The following CRTAM variants were observed in gnomAD, a reference collection of about 807,000 sequenced individuals.
CRTAM encodes the protein cytotoxic and regulatory T cell molecule, also known as cytotoxic and regulatory T-cell molecule.
A neutral mutation model predicts 50.0 loss-of-function variants in CRTAM; 44 were observed. The observed-to-expected ratio is 0.88, with a 90% CI of 0.69 to 1.13. CRTAM has a LOEUF of 1.13. CRTAM is among the 50% of genes most tolerant of loss of function. The pLI is 0.00. For missense variants in CRTAM, 448 were observed against 457.5 expected (o/e 0.98, Z 0.19); for synonymous variants, 159 against 169.3 (o/e 0.94, Z 0.47).
intron 6 of CRTAM, 150 bp downstream of exon 6, chr11:122,862,694 T>C (rs1178601501): frequency 6.7e-6 from 4 of 596,772 alleles, no homozygotes; most frequent in Admixed American, 5.9e-5. Context: ...CTTTGTACCA[T>C]CCTAGAGAAG....
intron 5 of CRTAM, among the ~76,000 whole-genome samples, chr11:122,861,069 C>T (rs1354055546): frequency 6.6e-6 from 1 of 152,056 alleles, no homozygotes; most frequent in Non-Finnish European, 1.5e-5. Flanking sequence ...CTTTTCATTG[C>T]CAGCAGCTCT....
chr11:122,851,421 T>C (rs1372608449), intron 2 of CRTAM, among the ~76,000 whole-genome samples: 2 of 152,244 alleles, frequency 1.3e-5, no homozygotes, highest in African/African-American at 4.8e-5. Context: ...ATAATTCTGT[T>C]ACATAATGCT....
At chr11:122,846,506 C>T (rs1861865151) in intron 1 of CRTAM, among the ~76,000 whole-genome samples, 2 of 152,056 alleles carry the variant, frequency 1.3e-5, no homozygotes, top group South Asian at 4.1e-4. Flanking sequence ...TCAGGCTGGT[C>T]TCGAACTCCT....
chr11:122,868,091 A>G lies in CRTAM; in HGVS notation c.1043A>G (p.Asn348Ser). The G allele has an allele frequency of 1.2e-6, 2 of 1,604,762 alleles. No individual in the cohort carries two copies. Among genetic ancestry groups the G allele is most frequent in the Non-Finnish European group, 1.7e-6 (2 of 1,171,658 alleles). Residue 348 changes from asparagine (N) to serine (S), a missense_variant, in exon 9 of 10, where the codon AAT becomes AGT. Coordinates refer to ENST00000227348, the MANE Select transcript of CRTAM (RefSeq NM_019604.4). Reference protein sequence around the residue: ...NNEETSSEEKNGQSSHPMRCM... With the variant: ...NNEETSSEEKSGQSSHPMRCM... The stretch of plus-strand genomic sequence containing the variant: ...GAAGAAACATCATCTGAAGAGAAAA[A>G]TGGCCAATGTAAGTCAACTGTATGA...
intron 7 of CRTAM, among the ~76,000 whole-genome samples, chr11:122,866,304 GA>G (rs979626369): frequency 1.3e-5 from 2 of 152,064 alleles, no homozygotes; most frequent in African/African-American, 4.8e-5. Context: ...TATCTTCACT[GA>G]AAACTTTTTT....
At chr11:122,867,110 G>A (rs927851979) in intron 7 of CRTAM, among the ~76,000 whole-genome samples, 4 of 152,104 alleles carry the variant, frequency 2.6e-5, no homozygotes, top group African/African-American at 4.8e-5. Context: ...AACTTAAGTC[G>A]ATTTTCTCAT....
At chr11:122,862,309 C>T (rs1862095824) in intron 5 of CRTAM, 155 bp from the exon 6 acceptor site, 11 of 613,224 alleles carry the variant, frequency 1.8e-5, no homozygotes, top group Non-Finnish European at 3.2e-5. Flanking sequence ...ATTCAAAAAC[C>T]AGAGCAGGAG....
At chr11:122,848,551 C>T (rs774941859) in intron 1 of CRTAM, among the ~76,000 whole-genome samples, 1 of 152,114 alleles carries the variant, frequency 6.6e-6, no homozygotes, top group Non-Finnish European at 1.5e-5. Context: ...TTATATGAAT[C>T]CAATACAATA....
chr11:122,860,141 A>G (rs748822852), intron 5 of CRTAM, among the ~76,000 whole-genome samples: 4 of 152,222 alleles, frequency 2.6e-5, no homozygotes, highest in Non-Finnish European at 5.9e-5. Flanking sequence ...TCTGCCTCCC[A>G]GGTTCAAGCA....
At chr11:122,870,894 T>TA (rs1292447437) in intron 9 of CRTAM, among the ~76,000 whole-genome samples, 4 of 151,922 alleles carry the variant, frequency 2.6e-5, no homozygotes, top group Non-Finnish European at 5.9e-5. Context: ...GCCTAGGCAA[T>TA]ATAGTGAAAC....
chr11:122,841,780 T>G (rs912671123), intron 1 of CRTAM, among the ~76,000 whole-genome samples: 1 of 152,170 alleles, frequency 6.6e-6, no homozygotes, highest in Admixed American at 6.5e-5. Flanking sequence ...GCAAACAGCT[T>G]TTCCATAAGG....
chr11:122,852,456 T>G (rs1861943879), intron 3 of CRTAM, among the ~76,000 whole-genome samples: 1 of 152,202 alleles, frequency 6.6e-6, no homozygotes, highest in Admixed American at 6.5e-5. Context: ...TTGTTTTGTT[T>G]TTTGTGGCAG....
chr11:122,867,431 A>G lies in CRTAM; in HGVS notation c.840A>G (p.Gly280=), dbSNP rs752602503. Reference sequence around the variant, plus strand: ...TAGAAGCAAATCCTCAGTATTTAGGACTGGCAAGAAAGAAAAGTGGCATCC... The same window carrying G: ...TAGAAGCAAATCCTCAGTATTTAGGGCTGGCAAGAAAGAAAAGTGGCATCC... ...LTTEANPQYL[G]LARKKSGILL... The change falls in exon 8 of 10, where the codon GGA becomes GGG. Residue 280 remains glycine (G), a synonymous_variant. Transcript: ENST00000227348. The G allele has an allele frequency of 3.4e-5, 55 of 1,613,482 alleles. No homozygotes were observed. The highest frequency in any genetic ancestry group is 4.6e-5 in the Non-Finnish European group (54 of 1,179,954).
chr11:122,839,411 G>T (rs1462818513), intron 1 of CRTAM, among the ~76,000 whole-genome samples: 1 of 152,176 alleles, frequency 6.6e-6, no homozygotes, highest in Non-Finnish European at 1.5e-5. Flanking sequence ...ATGATAAAGC[G>T]CTGTGCAACA....
chr11:122,850,094 A>C lies in CRTAM; in HGVS notation c.73A>C (p.Thr25Pro). 6.2e-7 allele frequency: 1 copy of C among 1,612,592 alleles called. No individual in the cohort carries two copies. The highest frequency in any genetic ancestry group is 8.5e-7 in the Non-Finnish European group (1 of 1,179,242). Residue 25 changes from threonine to proline, a missense_variant, in exon 2 of 10, where the codon ACC becomes CCC. By Grantham distance (38) the Thr-to-Pro change is conservative. Transcript: ENST00000227348. The part of the protein sequence containing the change: ...QEASLTNHTE[T>P]ITVEEGQTLT... The stretch of plus-strand genomic sequence containing the variant: ...GGCCTCTCTGACTAACCACACAGAA[A>C]CCATCACCGTGGAGGAAGGCCAGAC...
Position 122,851,603 on chromosome 11 carries a change from G to A in CRTAM, c.194-90G>A, listed in dbSNP as rs1019308200. 7.1e-6 allele frequency: 8 copies of A among 1,122,388 alleles called. No homozygotes were observed. In the African/African-American group the frequency reaches 1.2e-4, roughly 17 times the overall value. The allele number at this position is 1,122,388 out of a possible 1,614,324, so 69.5% of individuals were successfully genotyped here. ...GTTTTGATTGTGCCAAATGTAGAAA[G>A]CGGGGCAGTGCTTCTGGCATCTACT... On this transcript the variant is annotated intron_variant, in intron 2 of 9. Coordinates refer to ENST00000227348, the MANE Select transcript of CRTAM (RefSeq NM_019604.4).
chr11:122,863,117 G>A (rs1049886198), intron 6 of CRTAM, among the ~76,000 whole-genome samples: 5 of 152,078 alleles, frequency 3.3e-5, no homozygotes, highest in African/African-American at 1.2e-4. Context: ...CAATTTTTTA[G>A]ACAGTGAACT....
intron 5 of CRTAM, among the ~76,000 whole-genome samples, chr11:122,859,212 G>C (rs1862041449): frequency 6.6e-6 from 1 of 152,124 alleles, no homozygotes; most frequent in Non-Finnish European, 1.5e-5. Context: ...GGGTTCCAGT[G>C]ATTCTCCTGC....
intron 1 of CRTAM, among the ~76,000 whole-genome samples, chr11:122,843,255 C>T (rs1861821695): frequency 1.3e-5 from 2 of 152,116 alleles, no homozygotes; most frequent in Admixed American, 1.3e-4. Context: ...ATGGTGATGA[C>T]GGTGAAGGTC....
Sources: gnomAD v4.1 joint callset for allele counts (sites outside exome capture counted in the v4.1 genomes callset) on GRCh38, gnomAD v4.1.1 for gene constraint, MANE v1.5 for transcripts, NCBI Gene and HGNC (gene_info 2026-07-23, HGNC 2026-07-21) for gene names.